The following ERCC1 variants were observed in gnomAD, a reference collection of about 807,000 sequenced individuals.
ERCC1 encodes DNA excision repair protein ERCC-1.
Under a neutral mutation model 37.6 loss-of-function variants are expected in ERCC1, and 36 were observed. The observed-to-expected ratio is 0.96, with a 90% CI of 0.73 to 1.26. The LOEUF (loss-of-function observed/expected upper bound fraction) is 1.26. ERCC1 is among the 50% of genes most tolerant of loss of function. ERCC1 has a pLI of 0.00. For synonymous variants in ERCC1, 156 were observed against 162.1 expected (o/e 0.96, Z 0.28); for missense variants, 349 against 376.5 (o/e 0.93, Z 0.60).
At chr19:45,410,596 T>TGTGTGTGG (rs896460788) in intron 9 of ERCC1, 1 of 151,610 alleles carries the variant, frequency 6.6e-6, no homozygotes, top group African/African-American at 2.4e-5. Flanking sequence ...TGTGTGTGTG[T>TGTGTGTGG]GGTACCCATT....
At chr19:45,432,819 C>A (rs1225564329) in intron 1 of ERCC1, among the ~76,000 whole-genome samples, 1 of 152,204 alleles carries the variant, frequency 6.6e-6, no homozygotes, top group African/African-American at 2.4e-5. Flanking sequence ...GTATTCCCAG[C>A]ACTTTGGGAG....
chr19:45,410,573 G>GTGTGTGTGTGTA (rs1973666985), intron 9 of ERCC1: 1 of 148,482 alleles, frequency 6.7e-6, no homozygotes, highest in Non-Finnish European at 1.5e-5. Context: ...CTTTGTGTGT[G>GTGTGTGTGTGTA]TGTGTGTGTG....
Position 45,409,425 on chromosome 19 carries a change from TG to T in ERCC1, c.*249del. 6.2e-7 allele frequency: 1 copy of T among 1,613,536 alleles called. No homozygotes were observed. Among genetic ancestry groups the T allele is most frequent in the Non-Finnish European group, 8.5e-7 (1 of 1,179,980 alleles). On this transcript the variant is annotated 3_prime_UTR_variant, in exon 10 of 10. Coordinates refer to ENST00000300853, the MANE Select transcript of ERCC1 (RefSeq NM_001983.4). ...CAAGAGGAGATGCCAGGGCCGCCAC[TG>T]AATTCAGAGTCTGGGGAGGAGGCTC... is the stretch of plus-strand genomic sequence containing the variant.
At chr19:45,426,907 C>T (rs1231073610), upstream of ERCC1, among the ~76,000 whole-genome samples, 1 of 146,760 alleles carries the variant, frequency 6.8e-6, no homozygotes, top group East Asian at 2.0e-4. Context: ...TTGTAGTGAG[C>T]CAAGATCACG....
upstream of ERCC1, among the ~76,000 whole-genome samples, chr19:45,425,558 C>T (rs1473179678): frequency 2.6e-5 from 4 of 151,928 alleles, no homozygotes; most frequent in Admixed American, 1.3e-4. Flanking sequence ...TTAGTAGAGA[C>T]GGAGTTTCAC....
At chr19:45,423,539 C>T in intron 1 of ERCC1, 158 bp from the exon 2 acceptor site, 1 of 1,446,350 alleles carries the variant, frequency 6.9e-7, no homozygotes, top group Non-Finnish European at 9.1e-7. Flanking sequence ...AACGCCACGC[C>T]CCTTTGACCT....
chr19:45,429,860 C>T (rs1974790768), intron 1 of ERCC1, among the ~76,000 whole-genome samples: 1 of 152,174 alleles, frequency 6.6e-6, no homozygotes, highest in African/African-American at 2.4e-5. Context: ...TCACGATTCA[C>T]TGCAACTTCC....
rs763097998 is a variant in ERCC1 at position 45,420,401 on chromosome 19, CACGA to C, written c.344_347del (p.Phe115CysfsTer11). The C allele has an allele frequency of 2.5e-6, 4 of 1,613,568 alleles. No individual in the cohort carries two copies. The South Asian group carries it at 3.3e-5, about 13-fold the overall frequency. On this transcript the variant is annotated frameshift_variant, in exon 4 of 10. Transcript: ENST00000300853. LOFTEE classifies it high-confidence loss of function. The surrounding 1 kb of genome is among the most constrained non-coding windows in gnomAD (Gnocchi z 4.8). Reference sequence around the variant, plus strand: ...CGCCAAATTCCCAGGGCACATTGCGCACGAACTTCAGTACGGGATTGCCCCTCTG... The same window carrying C: ...CGCCAAATTCCCAGGGCACATTGCGCACTTCAGTACGGGATTGCCCCTCTG...
chr19:45,451,367 G>A (rs967206136), intron 1 of ERCC1, among the ~76,000 whole-genome samples: 40 of 151,716 alleles, frequency 2.6e-4, no homozygotes, highest in African/African-American at 8.7e-4. Context: ...TTGCGGTTGG[G>A]GTCCCCACCA....
intron 1 of ERCC1, among the ~76,000 whole-genome samples, chr19:45,429,967 A>G (rs1974792888): frequency 6.6e-6 from 1 of 152,112 alleles, no homozygotes; most frequent in Non-Finnish European, 1.5e-5. Flanking sequence ...TATTTTTAGT[A>G]GAGATGGGGT....
At chr19:45,426,147 G>A (rs1332703906), upstream of ERCC1, among the ~76,000 whole-genome samples, 5 of 151,924 alleles carry the variant, frequency 3.3e-5, no homozygotes, top group African/African-American at 4.8e-5. Flanking sequence ...TTGGGAGGCC[G>A]AGACAGGCGG....
chr19:45,432,250 A>C (rs555792432), intron 1 of ERCC1, among the ~76,000 whole-genome samples: 1 of 151,572 alleles, frequency 6.6e-6, no homozygotes, highest in East Asian at 1.9e-4. Context: ...GATTACAGGC[A>C]TGAGCCACCA....
At chr19:45,409,953 G>A (rs567612255) in intron 9 of ERCC1, 75 of 186,028 alleles carry the variant, frequency 4.0e-4, no homozygotes, top group African/African-American at 1.7e-3. Flanking sequence ...GTGCAGTGGC[G>A]CAATCTCGGC....
At chr19:45,436,026 A>G (rs139545980) in intron 1 of ERCC1, among the ~76,000 whole-genome samples, 1,559 of 152,168 alleles carry the variant, frequency 0.01, 20 homozygotes, top group Admixed American at 0.018. Context: ...TCATCCTCCC[A>G]AAGTGCTGAG....
chr19:45,433,390 G>C (rs1362999268), intron 1 of ERCC1, among the ~76,000 whole-genome samples: 1 of 151,988 alleles, frequency 6.6e-6, no homozygotes, highest in Non-Finnish European at 1.5e-5. Flanking sequence ...GCCAGGCGTG[G>C]TGGCATGTGC....
At chr19:45,428,573 C>A (rs1479116738), upstream of ERCC1, among the ~76,000 whole-genome samples, 2 of 152,332 alleles carry the variant, frequency 1.3e-5, no homozygotes, top group South Asian at 2.1e-4. Context: ...CCAGCTACGG[C>A]CCCTGCTCCC....
intron 6 of ERCC1, among the ~76,000 whole-genome samples, chr19:45,415,163 G>A (rs770100581): frequency 6.6e-6 from 1 of 151,526 alleles, no homozygotes; most frequent in East Asian, 1.9e-4. Context: ...GTGAAACCTC[G>A]TTTCTACTAA....
Position 45,416,872 on chromosome 19 carries a change from T to A in ERCC1, c.551A>T (p.Glu184Val). 1.2e-6 allele frequency: 2 copies of A among 1,613,448 alleles called. No individual in the cohort carries two copies. The highest frequency in any genetic ancestry group is 1.7e-6 in the Non-Finnish European group (2 of 1,179,566). ...GGCCAGGATACACATCTTAGCCAGC[T>A]CCTTGAGGGCCTGCTGGGGATCTTT... ...DVKDPQQALK[E>V]LAKMCILADC... Residue 184 changes from glutamate (E) to valine (V), a missense_variant, in exon 6 of 10, where the codon GAG (glutamate) becomes GTG (valine). Glu to Val is a moderately radical substitution (Grantham distance 121). Transcript: ENST00000300853.
rs187794054 is a variant in ERCC1, at chr19:45,408,073, C to A, written c.*1602G>T. The A allele has an allele frequency of 3.2e-4, 483 of 1,487,174 alleles. No homozygotes were observed. Among genetic ancestry groups the A allele is most frequent in the African/African-American group, 5.4e-4 (38 of 69,824 alleles). The allele number at this position is 1,487,174 out of a possible 1,614,324, so 92.1% of individuals were successfully genotyped here. ...TCTCAAAAAAAAACAAAAAAAAAAT[C>A]AAAAAACCTTCCCTCTCCTGTTCCA... On this transcript the variant is annotated 3_prime_UTR_variant, in exon 10 of 10. Coordinates refer to ENST00000300853, the MANE Select transcript of ERCC1 (RefSeq NM_001983.4).
Sources: allele counts gnomAD v4.1 joint callset (sites outside exome capture counted in the v4.1 genomes callset), GRCh38; gene constraint gnomAD v4.1.1; non-coding constraint Gnocchi (gnomAD v3.1); transcripts MANE v1.5; gene names NCBI Gene and HGNC (gene_info 2026-07-23, HGNC 2026-07-21).